Variants in INVS observed in about 807,000 individuals in gnomAD.
INVS encodes inversion of embryo turning homolog.
INVS carries 86 observed loss-of-function variants against 108.8 expected under a neutral mutation model. The observed-to-expected ratio is 0.79, with a 90% confidence interval of 0.66 to 0.95. INVS has a LOEUF of 0.95. Among genes scored for constraint, INVS ranks in the 40% least tolerant of loss-of-function variants. The pLI, the probability that INVS is intolerant of heterozygous loss-of-function variation, is 0.00. For missense variants in INVS, 1,169 were observed against 1,297.4 expected (o/e 0.90, Z 1.52); for synonymous variants, 455 against 473.5 (o/e 0.96, Z 0.51).
intron 3 of INVS, among the ~76,000 whole-genome samples, chr9:100,204,038 T>C (rs1222867955): frequency 1.3e-5 from 2 of 152,178 alleles, no homozygotes; most frequent in African/African-American, 4.8e-5. Context: ...AACAGTGATC[T>C]GTAAAACACT....
At chr9:100,249,110 AG>A (rs1175230046) in intron 8 of INVS, among the ~76,000 whole-genome samples, 1 of 151,976 alleles carries the variant, frequency 6.6e-6, no homozygotes, top group Non-Finnish European at 1.5e-5. Context: ...CCAAATGAAA[AG>A]GGGGGAACCC....
intron 14 of INVS, among the ~76,000 whole-genome samples, chr9:100,294,776 A>G (rs1156708037): frequency 1.3e-5 from 2 of 152,232 alleles, no homozygotes; most frequent in Non-Finnish European, 2.9e-5. Flanking sequence ...CATCAGGGTA[A>G]CCAGGAGAAG....
At chr9:100,253,560 C>A (rs2118566761) in intron 10 of INVS, among the ~76,000 whole-genome samples, 1 of 152,174 alleles carries the variant, frequency 6.6e-6, no homozygotes, top group Middle Eastern at 3.4e-3. Context: ...GCTATCCCTC[C>A]CTGCTTCCCC....
At chr9:100,115,807 A>G (rs982398627) in intron 2 of INVS, among the ~76,000 whole-genome samples, 1 of 152,164 alleles carries the variant, frequency 6.6e-6, no homozygotes, top group Non-Finnish European at 1.5e-5. Context: ...TTGGGTATAC[A>G]CCCAGTAATG....
At chr9:100,170,979 G>A (rs1829525760) in intron 3 of INVS, among the ~76,000 whole-genome samples, 1 of 152,186 alleles carries the variant, frequency 6.6e-6, no homozygotes, top group Non-Finnish European at 1.5e-5. Flanking sequence ...AGGCATCTAA[G>A]CCATCCTGGG....
chr9:100,226,964 G>A (rs569026158), intron 4 of INVS, among the ~76,000 whole-genome samples: 2 of 152,274 alleles, frequency 1.3e-5, no homozygotes, highest in South Asian at 4.1e-4. Flanking sequence ...AGTGGCCTAC[G>A]CTTTGGTATC....
rs1564123555 is a variant in INVS at position 100,126,397 on chromosome 9, A to G, written c.121A>G (p.Lys41Glu). The G allele has an allele frequency of 6.2e-7, 1 of 1,613,808 alleles. No homozygotes were observed. Among genetic ancestry groups the G allele is most frequent in the Middle Eastern group, 1.6e-4 (1 of 6,062 alleles). The part of the protein sequence containing the change: ...QRLIVGNSAL[K>E]DKEDQFGRTP... ...TATCCTTATAGGAAACTCTGCTCTT[A>G]AAGACAAAGAAGATCAGTTTGGGAG... Residue 41 changes from lysine to glutamate, a missense_variant, in exon 3 of 17, where the codon AAA becomes GAA. Transcript: ENST00000262457.
At chr9:100,192,248 A>AGAGT (rs148598380) in intron 3 of INVS, among the ~76,000 whole-genome samples, 3 of 144,916 alleles carry the variant, frequency 2.1e-5, no homozygotes, top group Non-Finnish European at 1.5e-5. Context: ...GGGAAAAAAG[A>AGAGT]GTGTGTGTGT....
Position 100,301,911 on chromosome 9 carries a change from G to C in INVS, c.*1237G>C, listed in dbSNP as rs1465340794. Among the ~76,000 whole-genome samples, 1 of 152,062 alleles carries C rather than the reference G, an allele frequency of 6.6e-6. No individual in the cohort carries two copies. The highest frequency in any genetic ancestry group is 2.1e-4 in the South Asian group (1 of 4,818). Reference sequence around the variant, plus strand: ...GCCAGTTTCTTGGTATATAACAGAAGGTACCACAGTATCACTCTCTATTTT... The same window carrying C: ...GCCAGTTTCTTGGTATATAACAGAACGTACCACAGTATCACTCTCTATTTT... On this transcript the variant is annotated 3_prime_UTR_variant, in exon 17 of 17. Transcript: ENST00000262457.
intron 11 of INVS, 132 bp downstream of exon 11, chr9:100,265,060 A>T: frequency 2.9e-6 from 2 of 686,330 alleles, no homozygotes; most frequent in Middle Eastern, 2.6e-4. Context: ...CTTCTCCTTC[A>T]GCCTCCTGAG....
chr9:100,230,588 G>A (rs924024073), intron 5 of INVS, among the ~76,000 whole-genome samples: 3 of 151,918 alleles, frequency 2.0e-5, no homozygotes, highest in Non-Finnish European at 4.4e-5. Flanking sequence ...GCATGATCTC[G>A]GCTTACTGCA....
chr9:100,113,203 G>A (rs1827398598), intron 2 of INVS, among the ~76,000 whole-genome samples: 1 of 152,136 alleles, frequency 6.6e-6, no homozygotes, highest in Admixed American at 6.6e-5. Context: ...GATATTGAAG[G>A]CTCTAGTACA....
At chr9:100,196,007 C>T (rs543283967) in intron 3 of INVS, among the ~76,000 whole-genome samples, 3 of 152,286 alleles carry the variant, frequency 2.0e-5, no homozygotes, top group African/African-American at 7.2e-5. Flanking sequence ...AGCTGGGAAA[C>T]TGTCTTATCT....
chr9:100,252,903 C>G lies in INVS; in HGVS notation c.1235-4C>G, dbSNP rs1832284195. 5 of 1,607,968 alleles carry G rather than the reference C, an allele frequency of 3.1e-6. No homozygotes were observed. Among genetic ancestry groups the G allele is most frequent in the Non-Finnish European group, 3.4e-6 (4 of 1,174,818 alleles). ...ACATTCTCATTATATTTGTGCTTTT[C>G]CAGGTGGAGCAAGGGTAGATCTAGT... On this transcript the variant is annotated splice_polypyrimidine_tract_variant and splice_region_variant and intron_variant, in intron 9 of 16. Coordinates refer to ENST00000262457, the MANE Select transcript of INVS (RefSeq NM_014425.5).
At chr9:100,254,139 T>A (rs1333023937) in intron 10 of INVS, among the ~76,000 whole-genome samples, 6 of 152,154 alleles carry the variant, frequency 3.9e-5, no homozygotes, top group African/African-American at 7.2e-5. Context: ...CTCATTGTGG[T>A]TTTGATTTGC....
chr9:100,107,053 T>G (rs1564115502), intron 2 of INVS, among the ~76,000 whole-genome samples: 1 of 152,212 alleles, frequency 6.6e-6, no homozygotes, highest in Non-Finnish European at 1.5e-5. Flanking sequence ...TTACCTTAAT[T>G]CACTCTTTTA....
At chr9:100,214,221 A>C (rs1268024442) in intron 3 of INVS, among the ~76,000 whole-genome samples, 13 of 152,202 alleles carry the variant, frequency 8.5e-5, no homozygotes, top group Non-Finnish European at 1.2e-4. Context: ...CTTACTTTAT[A>C]CAGCTAGGAT....
chr9:100,284,530 T>C lies in INVS; in HGVS notation c.1995T>C (p.Ser665=), dbSNP rs762888351. The change falls in exon 13 of 17, where the codon TCT becomes TCC. Residue 665 remains serine (S), a synonymous_variant. Transcript: ENST00000262457. ...ACAGCAGAGGATCTCCAGGAGGGTCTCTAGGCGGAGCCCTCCAGAAGGAGC... is the reference window on the plus strand; with the variant it reads ...ACAGCAGAGGATCTCCAGGAGGGTCCCTAGGCGGAGCCCTCCAGAAGGAGC... ...PRDSRGSPGG[S]LGGALQKEQH... The C allele has an allele frequency of 2.5e-6, 4 of 1,613,908 alleles. No individual in the cohort carries two copies. The highest frequency in any genetic ancestry group is 3.4e-6 in the Non-Finnish European group (4 of 1,179,924).
At chr9:100,208,115 G>A (rs546761712) in intron 3 of INVS, among the ~76,000 whole-genome samples, 4 of 152,238 alleles carry the variant, frequency 2.6e-5, no homozygotes, top group Non-Finnish European at 4.4e-5. Context: ...TTCTCAACTC[G>A]GTTGCTTCTC....
Sources: gnomAD v4.1 joint callset for allele counts (sites outside exome capture counted in the v4.1 genomes callset) on GRCh38, gnomAD v4.1.1 for gene constraint, MANE v1.5 for transcripts, NCBI Gene and HGNC (gene_info 2026-07-23, HGNC 2026-07-21) for gene names.